The following LATS2 variants were observed in gnomAD, a reference collection of about 807,000 sequenced individuals.
The protein encoded by LATS2 is large tumor suppressor kinase 2, also known as serine/threonine-protein kinase LATS2.
A neutral mutation model predicts 76.0 loss-of-function variants in LATS2; 24 were observed. The ratio of observed to expected loss-of-function variants is 0.32; its 90% CI spans 0.23 to 0.44. LATS2 has a LOEUF of 0.44. Among genes scored for constraint, LATS2 ranks in the 20% least tolerant of loss-of-function variants. LATS2 has a pLI of 1.00. For synonymous variants in LATS2, 692 were observed against 635.4 expected (o/e 1.09, Z -1.34); for missense variants, 1,286 against 1,481.2 (o/e 0.87, Z 2.16).
chr13:21,018,315 C>T (rs1004359300), intron 2 of LATS2, among the ~76,000 whole-genome samples: 5 of 152,294 alleles, frequency 3.3e-5, no homozygotes, highest in East Asian at 3.9e-4. Context: ...ACATTTGTGA[C>T]GTGGGTGTTG....
Position 20,973,514 on chromosome 13 carries a change from C to CTGTG in LATS2, c.*1352_*1355dup, listed in dbSNP as rs58156767. 17,603 of 224,130 alleles carry CTGTG rather than the reference C, an allele frequency of 0.079. 959 individuals are homozygous for CTGTG. The highest frequency in any genetic ancestry group is 0.35 in the East Asian group (5,433 of 15,676). The allele number at this position is 224,130 out of a possible 1,614,324, so 13.9% of individuals were successfully genotyped here. A position where few individuals can be genotyped will look rare whatever the true frequency, so the allele number is the denominator to read the frequency against. On this transcript the variant is annotated 3_prime_UTR_variant, in exon 8 of 8. Coordinates refer to ENST00000382592, the MANE Select transcript of LATS2 (RefSeq NM_014572.3). ...GAAATAAGGAATATTGTGTTTATCT[C>CTGTG]TGTGTGTGTGTGTGTGTGTGTATAC...
At chr13:21,017,637 T>C (rs1447094178) in intron 2 of LATS2, among the ~76,000 whole-genome samples, 23 of 151,638 alleles carry the variant, frequency 1.5e-4, no homozygotes, top group African/African-American at 5.3e-4. Flanking sequence ...TTTTTTTTTT[T>C]TGTTTTTGAG....
At chr13:20,987,639 A>G (rs1870217653) in intron 4 of LATS2, among the ~76,000 whole-genome samples, 1 of 152,242 alleles carries the variant, frequency 6.6e-6, no homozygotes, top group Non-Finnish European at 1.5e-5. Context: ...TACCTACATT[A>G]CGCTGGCTAC....
intron 6 of LATS2, 133 bp downstream of exon 6, chr13:20,981,333 G>A (rs542585957): frequency 1.8e-5 from 14 of 772,080 alleles, no homozygotes; most frequent in Non-Finnish European, 2.9e-5. Flanking sequence ...GAAATTAGTA[G>A]CTTTCAGGCT....
intron 2 of LATS2, among the ~76,000 whole-genome samples, chr13:21,043,381 T>C (rs927420009): frequency 6.6e-6 from 1 of 152,170 alleles, no homozygotes; most frequent in Non-Finnish European, 1.5e-5. Context: ...ATCATCTTTT[T>C]AACAAACTGA....
chr13:21,004,464 AAGGGAG>A (rs1871183962), intron 2 of LATS2, among the ~76,000 whole-genome samples: 1 of 151,388 alleles, frequency 6.6e-6, no homozygotes, highest in South Asian at 2.1e-4. Flanking sequence ...TCTGTAATGC[AAGGGAG>A]AATCAAATTT....
At position 20,989,346 on chromosome 13, in the gene LATS2, G is replaced by C. The variant is rs112984747; in HGVS notation, c.476-42C>G. 1.6e-4 allele frequency: 249 copies of C among 1,605,782 alleles called. 2 individuals are homozygous for C. The African/African-American group carries it at 3.1e-3, about 20-fold the overall frequency. On this transcript the variant is annotated intron_variant, in intron 3 of 7. Transcript: ENST00000382592. ...AGGAAGACAGCATCAGAGTGGGTGT[G>C]ATCAGTGGGTTCTGGCACTTCCAGG... is the stretch of plus-strand genomic sequence containing the variant.
chr13:21,007,628 A>G (rs1178422958), intron 2 of LATS2, among the ~76,000 whole-genome samples: 1 of 400 alleles, frequency 2.5e-3, no homozygotes, highest in African/African-American at 3.2e-3. Flanking sequence ...TATAGTGTAT[A>G]TATATATATA....
intron 2 of LATS2, among the ~76,000 whole-genome samples, chr13:21,016,176 G>T (rs1013324225): frequency 6.6e-6 from 1 of 151,652 alleles, no homozygotes; most frequent in Non-Finnish European, 1.5e-5. Flanking sequence ...TTGTAGAGAC[G>T]GGGTTTCACC....
At position 20,975,118 on chromosome 13, in the gene LATS2, C is replaced by T; in HGVS notation, c.3019G>A (p.Glu1007Lys). The T allele has an allele frequency of 6.2e-7, 1 of 1,614,252 alleles. No individual in the cohort carries two copies. The change falls in exon 8 of 8, where the codon GAA becomes AAA. Residue 1007 changes from glutamate to lysine, a missense_variant. This residue lies in a region of LATS2 where 210 missense variants were observed against 234.9 expected (regional missense o/e 0.89). Transcript: ENST00000382592. ...CTGGCATCGTTCCAAGGGCTTTCTT[C>T]ATCTACGGGGTCGAAATTCGAGGTG... Reference protein sequence around the residue: ...MDTSNFDPVDEESPWNDASEG... With the variant: ...MDTSNFDPVDKESPWNDASEG...
At chr13:20,998,494 T>C (rs1472375824) in intron 2 of LATS2, among the ~76,000 whole-genome samples, 2 of 152,184 alleles carry the variant, frequency 1.3e-5, no homozygotes, top group African/African-American at 4.8e-5. Flanking sequence ...GCTTGGAGGA[T>C]TGCCAGCAGG....
chr13:21,035,487 G>A (rs1872659929), intron 2 of LATS2, among the ~76,000 whole-genome samples: 1 of 152,064 alleles, frequency 6.6e-6, no homozygotes, highest in African/African-American at 2.4e-5. Flanking sequence ...AGAACTCGGA[G>A]CCCCTCTCCC....
In LATS2 at chr13:20,973,269, C is replaced by T. The variant is rs556095477; in HGVS notation, c.*1601G>A. ...CCACTCACACAAATGTAAACCAGTA[C>T]ACAGGAATCTTTATTTTTTTAGTTT... On this transcript the variant is annotated 3_prime_UTR_variant, in exon 8 of 8. Coordinates refer to ENST00000382592, the MANE Select transcript of LATS2 (RefSeq NM_014572.3). 1 of 231,812 alleles carries T rather than the reference C, an allele frequency of 4.3e-6. No individual in the cohort carries two copies. Among genetic ancestry groups the T allele is most frequent in the Non-Finnish European group, 8.5e-6 (1 of 117,062 alleles). The allele number at this position is 231,812 out of a possible 1,614,324, so 14.4% of individuals were successfully genotyped here. A position where few individuals can be genotyped will look rare whatever the true frequency, so the allele number is the denominator to read the frequency against.
At chr13:21,019,357 A>G (rs988085857) in intron 2 of LATS2, among the ~76,000 whole-genome samples, 9 of 148,632 alleles carry the variant, frequency 6.1e-5, no homozygotes, top group Non-Finnish European at 3.0e-5. Flanking sequence ...ACAGAGTTTC[A>G]CTCTTGTAGC....
chr13:20,988,065 T>A lies in LATS2; in HGVS notation c.1715A>T (p.Gln572Leu), dbSNP rs1449627556. Reference protein sequence around the residue: ...KGDKGGKDKKQIQTSPVPVRK... With the variant: ...KGDKGGKDKKLIQTSPVPVRK... ...GACGGGAACGGGAGAGGTCTGAATC[T>A]GCTTTTTATCCTTTCCGCCTTTGTC... Residue 572 changes from glutamine (Q) to leucine (L), a missense_variant, in exon 4 of 8, where the codon CAG (glutamine) becomes CTG (leucine). By Grantham distance (113) the Gln-to-Leu change is moderately radical. Transcript: ENST00000382592. The A allele has an allele frequency of 1.2e-6, 2 of 1,614,136 alleles. No individual in the cohort carries two copies. The highest frequency in any genetic ancestry group is 2.7e-5 in the African/African-American group (2 of 74,958).
Position 20,988,343 on chromosome 13 carries a change from C to CGGGGCA in LATS2, c.1436_1437insTGCCCC (p.Pro479_Ala480dup). The stretch of plus-strand genomic sequence containing the variant: ...CCTTGGCGTCCAAGCCCTCCGCAGC[C>CGGGGCA]GGGGCGGGGGCGGGGGCGGGGGCCG... On this transcript the variant is annotated inframe_insertion, in exon 4 of 8. Coordinates refer to ENST00000382592, the MANE Select transcript of LATS2 (RefSeq NM_014572.3). 7.7e-7 allele frequency: 1 copy of CGGGGCA among 1,298,770 alleles called. No homozygotes were observed. Among genetic ancestry groups the CGGGGCA allele is most frequent in the South Asian group, 1.7e-5 (1 of 57,200 alleles). 80.5% of individuals were successfully genotyped at this position (1,298,770 alleles called of 1,614,324 possible). A position where few individuals can be genotyped will look rare whatever the true frequency, so the allele number is the denominator to read the frequency against.
At chr13:21,020,433 G>A (rs988564150) in intron 2 of LATS2, among the ~76,000 whole-genome samples, 33 of 152,294 alleles carry the variant, frequency 2.2e-4, no homozygotes, top group African/African-American at 7.2e-4. Context: ...TAGGCACAGG[G>A]CAATTTACCC....
At chr13:21,021,343 C>T (rs1422118173) in intron 2 of LATS2, among the ~76,000 whole-genome samples, 2 of 151,494 alleles carry the variant, frequency 1.3e-5, no homozygotes, top group Admixed American at 6.6e-5. Context: ...TGTGGTGGTG[C>T]GTGCCTGTAA....
chr13:20,995,780 G>A (rs1327618336), intron 2 of LATS2, among the ~76,000 whole-genome samples: 3 of 152,140 alleles, frequency 2.0e-5, no homozygotes, highest in African/African-American at 4.8e-5. Context: ...GTTTGCACAC[G>A]TGCCATTCTT....
Sources: allele counts gnomAD v4.1 joint callset (sites outside exome capture counted in the v4.1 genomes callset), GRCh38; gene constraint gnomAD v4.1.1; regional missense constraint gnomAD v4.1.1; transcripts MANE v1.5; gene names NCBI Gene and HGNC (gene_info 2026-07-23, HGNC 2026-07-21).